The following ADAMTSL1 variants were observed in gnomAD, a reference collection of about 807,000 sequenced individuals.
The protein encoded by ADAMTSL1 is ADAMTS like 1.
Under a neutral mutation model 201.8 loss-of-function variants are expected in ADAMTSL1, and 126 were observed. The observed-to-expected ratio is 0.62, with a 90% confidence interval of 0.54 to 0.72. The LOEUF (loss-of-function observed/expected upper bound fraction) is 0.72, where lower values mean the gene tolerates loss of function less well. Among genes scored for constraint, ADAMTSL1 ranks in the 30% least tolerant of loss-of-function variants. ADAMTSL1 has a pLI of 0.00. For synonymous variants in ADAMTSL1, 1,121 were observed against 903.4 expected (o/e 1.24, Z -4.32); for missense variants, 2,679 against 2,277.8 (o/e 1.18, Z -3.59).
At chr9:17,995,494 G>A (rs1392537036) in intron 1 of ADAMTSL1, among the ~76,000 whole-genome samples, 1 of 152,066 alleles carries the variant, frequency 6.6e-6, no homozygotes, top group African/African-American at 2.4e-5. Flanking sequence ...GCATTTTTTG[G>A]CAAAAGGAAA....
chr9:17,960,498 A>AT (rs1817703613), intron 1 of ADAMTSL1, among the ~76,000 whole-genome samples: 1 of 152,154 alleles, frequency 6.6e-6, no homozygotes, highest in East Asian at 1.9e-4. Context: ...AAACTCCACC[A>AT]TTGACTGTGT....
chr9:18,114,181 C>T (rs941951590), intron 1 of ADAMTSL1, among the ~76,000 whole-genome samples: 6 of 151,994 alleles, frequency 3.9e-5, no homozygotes, highest in Non-Finnish European at 5.9e-5. Context: ...TTGGATTTCA[C>T]GTTGAAAAAA....
chr9:18,665,900 A>G (rs143970037), intron 9 of ADAMTSL1, among the ~76,000 whole-genome samples: 27 of 152,338 alleles, frequency 1.8e-4, no homozygotes, highest in African/African-American at 6.3e-4. Context: ...AATGAAAACA[A>G]TGAACTCACT....
intron 1 of ADAMTSL1, among the ~76,000 whole-genome samples, chr9:18,008,267 G>C (rs1394623953): frequency 6.6e-6 from 1 of 151,962 alleles, no homozygotes; most frequent in Non-Finnish European, 1.5e-5. Context: ...CAGGAATTGA[G>C]ATTTCCACAT....
At chr9:18,368,618 G>T (rs1051895451) in intron 2 of ADAMTSL1, among the ~76,000 whole-genome samples, 1 of 152,088 alleles carries the variant, frequency 6.6e-6, no homozygotes, top group African/African-American at 2.4e-5. Context: ...TCCAAAGTTT[G>T]CCTGCATTCT....
At chr9:18,175,773 T>C (rs886593692) in intron 2 of ADAMTSL1, among the ~76,000 whole-genome samples, 5 of 152,192 alleles carry the variant, frequency 3.3e-5, no homozygotes, top group Admixed American at 6.5e-5. Context: ...CCTATGGGTC[T>C]CACTATCTTT....
intron 2 of ADAMTSL1, among the ~76,000 whole-genome samples, chr9:18,525,449 C>T (rs1245203577): frequency 6.6e-6 from 1 of 152,098 alleles, no homozygotes. Context: ...TCTTTCAATT[C>T]TGCTCTGATC....
At chr9:18,095,347 A>G (rs1332964287) in intron 1 of ADAMTSL1, among the ~76,000 whole-genome samples, 1 of 151,892 alleles carries the variant, frequency 6.6e-6, no homozygotes, top group East Asian at 1.9e-4. Flanking sequence ...TGAAAGTTCA[A>G]ATTGGCCAGG....
intron 2 of ADAMTSL1, among the ~76,000 whole-genome samples, chr9:18,208,136 A>G (rs1263151533): frequency 6.6e-6 from 1 of 152,172 alleles, no homozygotes. Context: ...CGCTTAGTCC[A>G]GTATCTTACA....
rs1334880167 is a variant in ADAMTSL1, at chr9:18,587,360, A to G, written c.474+13094A>G. ...CCAACAAGCATATAAAAAAAGCTCAATATCATTGATCATTAGAGAAATACA... is the reference window on the plus strand; with the variant it reads ...CCAACAAGCATATAAAAAAAGCTCAGTATCATTGATCATTAGAGAAATACA... On this transcript the variant is annotated intron_variant, in intron 4 of 28. Transcript: ENST00000380548. 1.6e-4 allele frequency among the ~76,000 whole-genome samples: 25 copies of G among 152,174 alleles called. 1 individual carries two copies. Among genetic ancestry groups the G allele is most frequent in the Non-Finnish European group, 2.9e-5 (2 of 68,010 alleles).
At chr9:18,106,076 G>T (rs73420875) in intron 1 of ADAMTSL1, among the ~76,000 whole-genome samples, 3,439 of 152,232 alleles carry the variant, frequency 0.023, 141 homozygotes, top group African/African-American at 0.078. Context: ...GGAGCTTCTT[G>T]CTCTGCTTGT....
chr9:18,582,597 C>G (rs990454441), intron 4 of ADAMTSL1, among the ~76,000 whole-genome samples: 1 of 151,894 alleles, frequency 6.6e-6, no homozygotes, highest in Non-Finnish European at 1.5e-5. Flanking sequence ...ACCTGTAATC[C>G]CAGCACTTTG....
intron 4 of ADAMTSL1, among the ~76,000 whole-genome samples, chr9:18,577,319 G>A (rs1388280347): frequency 6.6e-6 from 1 of 152,050 alleles, no homozygotes; most frequent in Non-Finnish European, 1.5e-5. Context: ...AACCCTGTCT[G>A]TACTAAAAAT....
At chr9:18,269,184 A>G (rs1162085798) in intron 2 of ADAMTSL1, among the ~76,000 whole-genome samples, 1 of 152,160 alleles carries the variant, frequency 6.6e-6, no homozygotes, top group Non-Finnish European at 1.5e-5. Context: ...TATTATGCTC[A>G]ATAAAATTTG....
chr9:18,770,616 T>C lies in ADAMTSL1; in HGVS notation c.2232T>C (p.Cys744=), dbSNP rs1487794109. 2 of 1,612,842 alleles carry C rather than the reference T, an allele frequency of 1.2e-6. No homozygotes were observed. Among genetic ancestry groups the C allele is most frequent in the Non-Finnish European group, 1.7e-6 (2 of 1,179,502 alleles). Residue 744 remains cysteine (C), a synonymous_variant, in exon 17 of 29, where the codon TGT becomes TGC. Coordinates refer to ENST00000380548, the MANE Select transcript of ADAMTSL1 (RefSeq NM_001040272.6). The stretch of plus-strand genomic sequence containing the variant: ...TCTTTCCCCAGTGTTCCAGAACGTG[T>C]GGCGGGGGTGTTCAGAAACGTGAGG... ...PAQWQPCSRT[C]GGGVQKREVL...
chr9:17,955,545 A>G lies in ADAMTSL1; in HGVS notation c.87+48623A>G, dbSNP rs1827896373. Reference sequence around the variant, plus strand: ...AAAACATTAAGTGACAAATTCAGAAATAAACAATTCATATGTTTTAAATTA... The same window carrying G: ...AAAACATTAAGTGACAAATTCAGAAGTAAACAATTCATATGTTTTAAATTA... On this transcript the variant is annotated intron_variant, in intron 1 of 29. Transcript: ENST00000680146. Among the ~76,000 whole-genome samples, 8 of 152,336 alleles carry G rather than the reference A, an allele frequency of 5.3e-5. No individual in the cohort carries two copies. The South Asian group carries it at 1.7e-3, about 32-fold the overall frequency.
chr9:18,753,936 T>C (rs950784723), intron 16 of ADAMTSL1, among the ~76,000 whole-genome samples: 2 of 152,220 alleles, frequency 1.3e-5, no homozygotes, highest in Admixed American at 6.5e-5. Context: ...CATCATTACT[T>C]AGCAATATAA....
rs185760527 is a variant in ADAMTSL1 at position 18,067,111 on chromosome 9, C to T, written c.88-96751C>T. On this transcript the variant is annotated intron_variant, in intron 1 of 29. Coordinates refer to the ADAMTSL1 transcript ENST00000680146. ...ATGTAACTAACCTGCACATTGTGCA[C>T]ATGTACCCTAAAACTTAAAGTATAA... Among the ~76,000 whole-genome samples the T allele has an allele frequency of 1.3e-3, 191 of 152,128 alleles. 1 individual carries two copies. Among genetic ancestry groups the T allele is most frequent in the African/African-American group, 4.2e-3 (176 of 41,482 alleles).
At chr9:18,005,372 G>A (rs1206508069) in intron 1 of ADAMTSL1, among the ~76,000 whole-genome samples, 2 of 152,024 alleles carry the variant, frequency 1.3e-5, no homozygotes, top group South Asian at 2.1e-4. Context: ...AGCACCTACT[G>A]TGATCTTTAA....
Sources: allele counts gnomAD v4.1 joint callset (sites outside exome capture counted in the v4.1 genomes callset), GRCh38; gene constraint gnomAD v4.1.1; transcripts MANE v1.5; gene names NCBI Gene and HGNC (gene_info 2026-07-23, HGNC 2026-07-21).